CDH12: variants seen among roughly 807,000 people sequenced by gnomAD.
CDH12 encodes the protein cadherin 12, also known as cadherin-12.
Under a neutral mutation model 74.1 loss-of-function variants are expected in CDH12, and 41 were observed. That is an observed-to-expected ratio of 0.55 (90% CI 0.43 to 0.72). CDH12 has a LOEUF of 0.72. Among genes scored for constraint, CDH12 ranks in the 30% least tolerant of loss-of-function variants. The pLI, the probability that CDH12 is intolerant of heterozygous loss-of-function variation, is 0.00. For missense variants in CDH12, 945 were observed against 977.2 expected, an observed-to-expected ratio of 0.97 and a Z score of 0.44; for synonymous variants, 399 against 355.0, an observed-to-expected ratio of 1.12 and a Z score of -1.39.
chr5:21,799,700 G>T (rs1747005497), intron 10 of CDH12, among the ~76,000 whole-genome samples: 1 of 152,214 alleles, frequency 6.6e-6, no homozygotes, highest in South Asian at 2.1e-4. Context: ...TCTCCAAATC[G>T]AGGGAAGAAT....
intron 3 of CDH12, among the ~76,000 whole-genome samples, chr5:22,347,892 C>CA (rs2150461452): frequency 6.6e-6 from 1 of 152,268 alleles, no homozygotes; most frequent in African/African-American, 2.4e-5. Context: ...ATTTTACAGT[C>CA]ATTCTCCTGA....
At chr5:22,099,727 C>T (rs903442313) in intron 4 of CDH12, among the ~76,000 whole-genome samples, 1 of 152,224 alleles carries the variant, frequency 6.6e-6, no homozygotes, top group Non-Finnish European at 1.5e-5. Context: ...CCACTCTTAA[C>T]TCTTGAAGTA....
intron 2 of CDH12, among the ~76,000 whole-genome samples, chr5:22,432,449 T>C (rs1744211968): frequency 6.6e-6 from 1 of 152,160 alleles, no homozygotes. Context: ...TTGGTATTTG[T>C]TTACTACTTT....
intron 8 of CDH12, among the ~76,000 whole-genome samples, chr5:21,839,712 C>T (rs955712503): frequency 5.9e-5 from 9 of 152,144 alleles, no homozygotes; most frequent in African/African-American, 1.9e-4. Flanking sequence ...TAGATGAACT[C>T]GTAAACTCTC....
chr5:22,850,978 C>A (rs557635225), intron 1 of CDH12, among the ~76,000 whole-genome samples: 45 of 152,184 alleles, frequency 3.0e-4, no homozygotes, highest in African/African-American at 1.1e-3. Context: ...CAGACTGTTA[C>A]ATGAAATAGG....
At chr5:22,174,934 T>C (rs1749247747) in intron 4 of CDH12, among the ~76,000 whole-genome samples, 1 of 152,002 alleles carries the variant, frequency 6.6e-6, no homozygotes, top group Non-Finnish European at 1.5e-5. Flanking sequence ...AACAACCATC[T>C]CAAGGCTCTA....
At chr5:22,288,125 A>T (rs764256223) in intron 3 of CDH12, among the ~76,000 whole-genome samples, 4 of 152,184 alleles carry the variant, frequency 2.6e-5, no homozygotes, top group African/African-American at 9.6e-5. Flanking sequence ...TTCCATGATT[A>T]AAATGTCTAA....
At chr5:21,941,346 T>G (rs1221559841) in intron 6 of CDH12, among the ~76,000 whole-genome samples, 1 of 152,218 alleles carries the variant, frequency 6.6e-6, no homozygotes, top group East Asian at 1.9e-4. Context: ...TTGAGATTTT[T>G]CAACATTTAT....
At chr5:22,717,264 C>G (rs762005471) in intron 1 of CDH12, among the ~76,000 whole-genome samples, 2 of 151,996 alleles carry the variant, frequency 1.3e-5, no homozygotes, top group Admixed American at 6.6e-5. Flanking sequence ...AATCTTTTAC[C>G]TCACTTTTAC....
intron 6 of CDH12, among the ~76,000 whole-genome samples, chr5:21,890,689 T>C (rs1020405309): frequency 1.3e-5 from 2 of 152,112 alleles, no homozygotes; most frequent in African/African-American, 4.8e-5. Flanking sequence ...TCTACATACA[T>C]AGGCTTTGCA....
At chr5:21,900,460 C>T (rs1251371995) in intron 6 of CDH12, among the ~76,000 whole-genome samples, 4 of 152,128 alleles carry the variant, frequency 2.6e-5, no homozygotes, top group African/African-American at 4.8e-5. Flanking sequence ...ATCACATCAT[C>T]TTATATCATG....
At chr5:22,421,125 T>C (rs1743633944) in intron 2 of CDH12, among the ~76,000 whole-genome samples, 1 of 152,222 alleles carries the variant, frequency 6.6e-6, no homozygotes, top group South Asian at 2.1e-4. Context: ...TATAGGATCA[T>C]GTAATCTGCA....
chr5:22,296,937 C>T (rs1168826455), intron 3 of CDH12, among the ~76,000 whole-genome samples: 2 of 152,154 alleles, frequency 1.3e-5, no homozygotes, highest in East Asian at 3.9e-4. Flanking sequence ...GACAATACTC[C>T]TTTTTGAAAA....
intron 3 of CDH12, among the ~76,000 whole-genome samples, chr5:22,326,512 G>A (rs1218744577): frequency 6.6e-6 from 1 of 152,164 alleles, no homozygotes; most frequent in Non-Finnish European, 1.5e-5. Context: ...TGGGATTACA[G>A]GCGTGAGCCA....
At chr5:22,585,111 A>T (rs900248869) in intron 1 of CDH12, among the ~76,000 whole-genome samples, 6 of 152,214 alleles carry the variant, frequency 3.9e-5, no homozygotes, top group African/African-American at 1.4e-4. Context: ...ATCTTCTGGT[A>T]GAATATACTT....
intron 1 of CDH12, among the ~76,000 whole-genome samples, chr5:22,796,352 T>C (rs1472817981): frequency 2.0e-5 from 3 of 152,152 alleles, no homozygotes; most frequent in Admixed American, 2.0e-4. Context: ...ACAACATTTA[T>C]CTTGTCTTTT....
At chr5:22,205,189 A>G (rs1191418361) in intron 4 of CDH12, among the ~76,000 whole-genome samples, 1 of 152,242 alleles carries the variant, frequency 6.6e-6, no homozygotes, top group Non-Finnish European at 1.5e-5. Flanking sequence ...CAACAGCCAC[A>G]GAAATTAATT....
intron 11 of CDH12, among the ~76,000 whole-genome samples, chr5:21,767,733 ACT>A (rs1311208071): frequency 1.3e-5 from 2 of 151,568 alleles, no homozygotes; most frequent in African/African-American, 4.8e-5. Context: ...TAATAATATT[ACT>A]CTCTCTTCTA....
intron 5 of CDH12, among the ~76,000 whole-genome samples, chr5:22,017,576 G>A (rs544597990): frequency 2.6e-5 from 4 of 152,112 alleles, no homozygotes; most frequent in South Asian, 2.1e-4. Flanking sequence ...AATTTTGGAC[G>A]AAATCATAAA....
Sources: allele counts gnomAD v4.1 joint callset (sites outside exome capture counted in the v4.1 genomes callset), GRCh38; gene constraint gnomAD v4.1.1; transcripts MANE v1.5; gene names NCBI Gene and HGNC (gene_info 2026-07-23, HGNC 2026-07-21).